HADHB: variants seen among roughly 807,000 people sequenced by gnomAD.
The protein encoded by HADHB is trifunctional enzyme subunit beta, mitochondrial.
HADHB carries 50 observed loss-of-function variants against 61.9 expected under a neutral mutation model. That is an observed-to-expected ratio of 0.81 (90% CI 0.64 to 1.02). The LOEUF (loss-of-function observed/expected upper bound fraction) is 1.02. Among genes scored for constraint, HADHB ranks in the 50% least tolerant of loss-of-function variants. The pLI is 0.00. For synonymous variants in HADHB, 191 were observed against 201.6 expected, an observed-to-expected ratio of 0.95 and a Z score of 0.45; for missense variants, 504 against 586.5, an observed-to-expected ratio of 0.86 and a Z score of 1.45.
intron 1 of HADHB, among the ~76,000 whole-genome samples, chr2:26,250,016 C>CT (rs1016881174): frequency 4.0e-5 from 6 of 151,826 alleles, no homozygotes; most frequent in African/African-American, 1.5e-4. Flanking sequence ...CTTTTTCTTT[C>CT]TTTTTTTGGA....
chr2:26,275,511 T>C (rs1042022282), intron 6 of HADHB, among the ~76,000 whole-genome samples: 31 of 152,194 alleles, frequency 2.0e-4, no homozygotes, highest in Non-Finnish European at 2.9e-5. Flanking sequence ...CTGAGAGTCA[T>C]CTAGGGCCAA....
chr2:26,245,517 C>T (rs1192945840), intron 1 of HADHB: 1 of 151,862 alleles, frequency 6.6e-6, no homozygotes, highest in African/African-American at 2.4e-5. Flanking sequence ...TCCAGATAAT[C>T]CTGCGCTCTC....
chr2:26,258,265 C>T (rs564390243), intron 3 of HADHB, among the ~76,000 whole-genome samples: 43 of 152,216 alleles, frequency 2.8e-4, no homozygotes, highest in Non-Finnish European at 2.8e-4. Flanking sequence ...ATGGGGCAGG[C>T]GGCTCCCAAG....
At chr2:26,277,748 T>C (rs1255978795) in intron 7 of HADHB, among the ~76,000 whole-genome samples, 1 of 152,208 alleles carries the variant, frequency 6.6e-6, no homozygotes, top group Non-Finnish European at 1.5e-5. Flanking sequence ...AGTGTATCTC[T>C]AGGAAGGTAC....
At chr2:26,253,356 G>GT (rs1671475675) in intron 1 of HADHB, among the ~76,000 whole-genome samples, 1 of 152,168 alleles carries the variant, frequency 6.6e-6, no homozygotes, top group South Asian at 2.1e-4. Flanking sequence ...TTAAGTTGCT[G>GT]ACATGATGCT....
At chr2:26,260,915 G>C (rs1671834481) in intron 3 of HADHB, 1 of 767,764 alleles carries the variant, frequency 1.3e-6, no homozygotes. Context: ...CCATCAACCT[G>C]TTCTTCCTCA....
chr2:26,263,514 C>A, intron 4 of HADHB, 35 bp downstream of exon 4: 2 of 1,273,326 alleles, frequency 1.6e-6, no homozygotes, highest in Non-Finnish European at 2.3e-6. Flanking sequence ...TTTTTTCCTT[C>A]TTTTAAGACA....
intron 4 of HADHB, among the ~76,000 whole-genome samples, chr2:26,269,584 T>C (rs1328267713): frequency 6.6e-6 from 1 of 152,188 alleles, no homozygotes; most frequent in Non-Finnish European, 1.5e-5. Flanking sequence ...TGTAGCCCTG[T>C]AGGCATTACA....
At chr2:26,247,419 T>C (rs1257138125) in intron 1 of HADHB, among the ~76,000 whole-genome samples, 1 of 152,266 alleles carries the variant, frequency 6.6e-6, no homozygotes, top group African/African-American at 2.4e-5. Context: ...TGTAATTTTT[T>C]ATTCAGAAAC....
chr2:26,289,355 G>A lies in HADHB; in HGVS notation c.1390-563G>A, dbSNP rs1574673793. On this transcript the variant is annotated intron_variant, in intron 15 of 15. Coordinates refer to ENST00000317799, the MANE Select transcript of HADHB (RefSeq NM_000183.3). ...GTGTAGAATAGTGAAGAAGGGACAA[G>A]CCCAGCCTTTGGAATCATCTAGACC... Among the ~76,000 whole-genome samples the A allele has an allele frequency of 3.9e-5, 6 of 152,258 alleles. No individual in the cohort carries two copies. The South Asian group carries it at 1.2e-3, about 32-fold the overall frequency.
At chr2:26,269,742 A>G (rs1672261754) in intron 4 of HADHB, among the ~76,000 whole-genome samples, 1 of 152,244 alleles carries the variant, frequency 6.6e-6, no homozygotes, top group Non-Finnish European at 1.5e-5. Context: ...TAGCAAGCTC[A>G]GGAGGAGTTA....
intron 1 of HADHB, among the ~76,000 whole-genome samples, chr2:26,250,316 T>A (rs1671349571): frequency 6.6e-6 from 1 of 152,228 alleles, no homozygotes; most frequent in Admixed American, 6.5e-5. Context: ...ATTTTTCTTA[T>A]AATTTGTACA....
rs1191227408 is a variant in HADHB at position 26,278,614 on chromosome 2, G to A, written c.443G>A (p.Gly148Asp). The A allele has an allele frequency of 3.7e-6, 6 of 1,612,710 alleles. No homozygotes were observed. The highest frequency in any genetic ancestry group is 5.1e-6 in the Non-Finnish European group (6 of 1,178,688). ...ATGAAGTATAACCTGTGCCCTGTAGGTGTTGGCTTGATTGCTTCTGGCCAG... is the reference window on the plus strand; with the variant it reads ...ATGAAGTATAACCTGTGCCCTGTAGATGTTGGCTTGATTGCTTCTGGCCAG... ...CISANQAMTT[G>D]VGLIASGQCD... The change falls in exon 8 of 16, where the codon GGT becomes GAT. Residue 148 changes from glycine to aspartate, a missense_variant and splice_region_variant. Coordinates refer to ENST00000317799, the MANE Select transcript of HADHB (RefSeq NM_000183.3).
Position 26,289,945 on chromosome 2 carries a change from C to G in HADHB, c.1417C>G (p.Pro473Ala). The G allele has an allele frequency of 1.2e-6, 2 of 1,607,220 alleles. No individual in the cohort carries two copies. The highest frequency in any genetic ancestry group is 1.7e-6 in the Non-Finnish European group (2 of 1,173,848). ...CCATGCTATGATAGTGGAAGCTTAT[C>G]CAAAATAATAGATCCAGAAGAAGTG... is the stretch of plus-strand genomic sequence containing the variant. The part of the protein sequence containing the change: ...QGHAMIVEAY[P>A]K The change falls in exon 16 of 16, where the codon CCA (proline) becomes GCA (alanine). Residue 473 changes from proline to alanine, a missense_variant. Transcript: ENST00000317799.
At chr2:26,253,200 G>A (rs1173368469) in intron 1 of HADHB, among the ~76,000 whole-genome samples, 1 of 151,740 alleles carries the variant, frequency 6.6e-6, no homozygotes, top group Admixed American at 6.6e-5. Context: ...GAGGGGTGGG[G>A]GAAAGTTGTT....
In HADHB at chr2:26,263,405, G is replaced by T. The variant is rs574464531; in HGVS notation, c.135G>T (p.Thr45=). 1.2e-6 allele frequency: 2 copies of T among 1,612,470 alleles called. No individual in the cohort carries two copies. Among genetic ancestry groups the T allele is most frequent in the African/African-American group, 1.3e-5 (1 of 74,930 alleles). ...APAVQTKTKK[T]LAKPNIRNVV... ...CTGTCCAGACCAAAACGAAGAAGAC[G>T]TTAGCCAAACCCAATATAAGGAATG... The change falls in exon 4 of 16, where the codon ACG becomes ACT. Residue 45 remains threonine, a synonymous_variant. Coordinates refer to ENST00000317799, the MANE Select transcript of HADHB (RefSeq NM_000183.3).
intron 4 of HADHB, among the ~76,000 whole-genome samples, chr2:26,268,758 CAGAT>C (rs777493257): frequency 1.7e-4 from 26 of 152,144 alleles, no homozygotes; most frequent in African/African-American, 4.6e-4. Context: ...TGGTGAGACT[CAGAT>C]AGGTAGTAGC....
chr2:26,286,764 C>T (rs539978643), intron 15 of HADHB, among the ~76,000 whole-genome samples: 1 of 150,622 alleles, frequency 6.6e-6, no homozygotes, highest in Admixed American at 6.6e-5. Flanking sequence ...CCTCAGCCTC[C>T]CAAAGTGCTG....
At chr2:26,285,739 G>GATTTTTTTTTTTTTTTTT (rs1673000559) in intron 15 of HADHB, among the ~76,000 whole-genome samples, 168 bp downstream of exon 15, 1 of 65,082 alleles carries the variant, frequency 1.5e-5, no homozygotes, top group Non-Finnish European at 2.9e-5. Flanking sequence ...TGTTTTTTGG[G>GATTTTTTTTTTTTTTTTT]TTTTTTTTTT....
Sources: gnomAD v4.1 joint callset for allele counts (sites outside exome capture counted in the v4.1 genomes callset) on GRCh38, gnomAD v4.1.1 for gene constraint, MANE v1.5 for transcripts, NCBI Gene and HGNC (gene_info 2026-07-23, HGNC 2026-07-21) for gene names.